The following SECISBP2 variants were observed in gnomAD, a reference collection of about 807,000 sequenced individuals.
SECISBP2 encodes SECIS binding protein 2, also known as selenocysteine insertion sequence-binding protein 2.
A neutral mutation model predicts 98.2 loss-of-function variants in SECISBP2; 96 were observed. The observed-to-expected ratio is 0.98, with a 90% CI of 0.83 to 1.16. The LOEUF is 1.16. SECISBP2 is among the 50% of genes most tolerant of loss of function. SECISBP2 has a pLI of 0.00. For synonymous variants in SECISBP2, 407 were observed against 370.2 expected, an observed-to-expected ratio of 1.10 and a Z score of -1.14; for missense variants, 1,046 against 1,022.9, an observed-to-expected ratio of 1.02 and a Z score of -0.31.
At chr9:89,350,969 T>C in intron 14 of SECISBP2, 117 bp downstream of exon 14, 1 of 848,926 alleles carries the variant, frequency 1.2e-6, no homozygotes, top group Non-Finnish European at 2.0e-6. Flanking sequence ...CTCGTTTTCT[T>C]TGTGGTTTTT....
At chr9:89,360,655 T>TATCA (rs1832690438), downstream of SECISBP2, 1 of 152,206 alleles carries the variant, frequency 6.6e-6, no homozygotes. Context: ...CTGGTGATGC[T>TATCA]ATCATTTTCT....
At position 89,359,549 on chromosome 9, in the gene SECISBP2, G is replaced by T. The variant is rs1178561427; in HGVS notation, c.*725G>T. 1 of 152,124 alleles carries T rather than the reference G, an allele frequency of 6.6e-6. No homozygotes were observed. The highest frequency in any genetic ancestry group is 1.9e-4 in the East Asian group (1 of 5,200). The allele number at this position is 152,124 out of a possible 1,614,324, so 9.4% of individuals were successfully genotyped here. ...TTTCAATGAACATATTCTGAATGTG[G>T]TTTCTGTCTTAGACCAGGAGGACAG... On this transcript the variant is annotated 3_prime_UTR_variant, in exon 17 of 17. Coordinates refer to ENST00000375807, the MANE Select transcript of SECISBP2 (RefSeq NM_024077.5).
intron 9 of SECISBP2, among the ~76,000 whole-genome samples, chr9:89,340,806 T>C (rs1282408295): frequency 2.0e-5 from 3 of 152,188 alleles, no homozygotes; most frequent in Non-Finnish European, 4.4e-5. Context: ...TTTTATATAG[T>C]CTCAAAACCC....
chr9:89,358,793 CA>C lies in SECISBP2; in HGVS notation c.2536del (p.Thr846ProfsTer4). On this transcript the variant is annotated frameshift_variant, in exon 17 of 17. Transcript: ENST00000375807. LOFTEE classifies it high-confidence loss of function. ...GAGCTAGAAGAATCCTTGGAGGCTT[CA>C]ACCTCTCAAATGATGAATTTGAATT... ...TLELEESLEA[S>X]TSQMMNLNL The C allele has an allele frequency of 6.2e-7, 1 of 1,613,230 alleles. No individual in the cohort carries two copies. Among genetic ancestry groups the C allele is most frequent in the African/African-American group, 1.3e-5 (1 of 75,042 alleles).
chr9:89,364,071 C>T, downstream of SECISBP2: 2 of 1,585,504 alleles, frequency 1.3e-6, no homozygotes, highest in Non-Finnish European at 1.7e-6. Context: ...CTTGGGACAA[C>T]TTCCAATTCA....
chr9:89,321,308 A>G (rs541886850), intron 2 of SECISBP2, among the ~76,000 whole-genome samples: 11 of 152,374 alleles, frequency 7.2e-5, no homozygotes, highest in Admixed American at 3.9e-4. Flanking sequence ...CTAAAGGAAC[A>G]TTTTGGCAGT....
At chr9:89,346,830 G>A in intron 10 of SECISBP2, 52 bp from the exon 11 acceptor site, 1 of 1,609,950 alleles carries the variant, frequency 6.2e-7, no homozygotes, top group South Asian at 1.1e-5. Flanking sequence ...TCCAAGAGCT[G>A]GGTGGGGCAT....
In SECISBP2 at chr9:89,318,534, C is replaced by A. The variant is rs187886577; in HGVS notation, c.-43C>A. ...TTGTCTGTCCGGCAAGCCGACGGCC[C>A]GCTGCTGGCCTCCGTGACGCGGCCT... On this transcript the variant is annotated 5_prime_UTR_variant, in exon 1 of 17. Coordinates refer to ENST00000375807, the MANE Select transcript of SECISBP2 (RefSeq NM_024077.5). The A allele has an allele frequency of 2.2e-5, 34 of 1,511,218 alleles. No individual in the cohort carries two copies. The highest frequency in any genetic ancestry group is 2.8e-5 in the Non-Finnish European group (32 of 1,134,712). The allele number at this position is 1,511,218 out of a possible 1,614,324, so 93.6% of individuals were successfully genotyped here.
intron 6 of SECISBP2, 134 bp downstream of exon 6, chr9:89,333,120 T>A: frequency 1.3e-6 from 1 of 749,242 alleles, no homozygotes; most frequent in South Asian, 1.5e-5. Flanking sequence ...TAACCTAACA[T>A]CAGTGTTAGT....
In SECISBP2 at chr9:89,346,824, A is replaced by G. The variant is rs752460275; in HGVS notation, c.1436-58A>G. The G allele has an allele frequency of 1.4e-4, 228 of 1,609,156 alleles. 1 individual carries two copies. Among genetic ancestry groups the G allele is most frequent in the Non-Finnish European group, 8.2e-5 (96 of 1,176,730 alleles). On this transcript the variant is annotated intron_variant, in intron 10 of 16. Coordinates refer to ENST00000375807, the MANE Select transcript of SECISBP2 (RefSeq NM_024077.5). ...CAGCCCCTGGGCGAGCTGCGATCCA[A>G]GAGCTGGGTGGGGCATCTGGGAGGT...
chr9:89,362,980 C>T (rs1416208491), downstream of SECISBP2, among the ~76,000 whole-genome samples: 3 of 152,194 alleles, frequency 2.0e-5, no homozygotes, highest in Admixed American at 1.3e-4. Context: ...CCTGCCAGGG[C>T]TTAGCTCAGG....
chr9:89,351,005 A>G (rs1831204436), intron 14 of SECISBP2, among the ~76,000 whole-genome samples, 153 bp downstream of exon 14: 1 of 152,162 alleles, frequency 6.6e-6, no homozygotes, highest in South Asian at 2.1e-4. Flanking sequence ...CTGTTTCCCA[A>G]CTGCATTGAC....
intron 10 of SECISBP2, among the ~76,000 whole-genome samples, chr9:89,345,759 C>T (rs982703496): frequency 2.0e-5 from 3 of 152,042 alleles, no homozygotes; most frequent in Non-Finnish European, 4.4e-5. Context: ...TCATTGGGGA[C>T]CGGGTGAGTG....
intron 2 of SECISBP2, chr9:89,323,157 T>C (rs1826096608): frequency 6.6e-6 from 1 of 152,066 alleles, no homozygotes. Flanking sequence ...AGAACAGAAG[T>C]TGTAAATGGG....
chr9:89,319,150 T>G, intron 1 of SECISBP2: 1 of 752,250 alleles, frequency 1.3e-6, no homozygotes, highest in African/African-American at 1.9e-5. Flanking sequence ...TGATAATATT[T>G]TCTAGCAAAG....
At chr9:89,352,756 A>C (rs1284318058) in intron 14 of SECISBP2, among the ~76,000 whole-genome samples, 1 of 151,184 alleles carries the variant, frequency 6.6e-6, no homozygotes, top group Non-Finnish European at 1.5e-5. Flanking sequence ...TTTCTCAACC[A>C]TATCTTGTAA....
intron 14 of SECISBP2, chr9:89,357,045 T>C (rs1832196341): frequency 2.9e-6 from 1 of 348,764 alleles, no homozygotes; most frequent in South Asian, 2.3e-5. Context: ...AGGGGTACAA[T>C]GTGGGATAAG....
intron 12 of SECISBP2, among the ~76,000 whole-genome samples, 189 bp downstream of exon 12, chr9:89,348,403 C>T (rs563031228): frequency 6.6e-6 from 1 of 152,270 alleles, no homozygotes; most frequent in East Asian, 1.9e-4. Flanking sequence ...TGTTTCTAGT[C>T]CCTCTGGTTC....
chr9:89,358,545 G>A (rs1832453873), intron 16 of SECISBP2, among the ~76,000 whole-genome samples, 176 bp from the exon 17 acceptor site: 1 of 152,218 alleles, frequency 6.6e-6, no homozygotes, highest in Non-Finnish European at 1.5e-5. Context: ...CTCAATAAGG[G>A]GCAGCCCGGC....
Sources: gnomAD v4.1 joint callset for allele counts (sites outside exome capture counted in the v4.1 genomes callset) on GRCh38, gnomAD v4.1.1 for gene constraint, MANE v1.5 for transcripts, NCBI Gene and HGNC (gene_info 2026-07-23, HGNC 2026-07-21) for gene names.